HHAT: variants seen among roughly 807,000 people sequenced by gnomAD.
HHAT encodes the protein protein-cysteine N-palmitoyltransferase HHAT.
A neutral mutation model predicts 70.8 loss-of-function variants in HHAT; 47 were observed. The ratio of observed to expected loss-of-function variants is 0.66; its 90% confidence interval spans 0.53 to 0.85. HHAT has a LOEUF of 0.85. HHAT is among the 40% of genes least tolerant of loss of function. HHAT has a pLI of 0.00. For missense variants in HHAT, 609 were observed against 604.8 expected (o/e 1.01, Z -0.07); for synonymous variants, 228 against 247.6 (o/e 0.92, Z 0.74).
chr1:210,661,646 C>T (rs1435820306), intron 11 of HHAT, among the ~76,000 whole-genome samples: 1 of 152,180 alleles, frequency 6.6e-6, no homozygotes, highest in Non-Finnish European at 1.5e-5. Context: ...AACTTGGAAC[C>T]AACCCAAATG....
intron 7 of HHAT, among the ~76,000 whole-genome samples, chr1:210,423,075 A>G (rs992718352): frequency 4.6e-5 from 7 of 152,208 alleles, no homozygotes; most frequent in African/African-American, 1.4e-4. Context: ...TTTTCGTTGG[A>G]TAAATTCACA....
chr1:210,517,167 ATC>A (rs1400065401), intron 9 of HHAT, among the ~76,000 whole-genome samples: 4 of 152,176 alleles, frequency 2.6e-5, no homozygotes, highest in Admixed American at 6.5e-5. Flanking sequence ...CAGAATAAAA[ATC>A]TCTGTTTCAT....
intron 8 of HHAT, among the ~76,000 whole-genome samples, chr1:210,466,509 C>T (rs1421309208): frequency 6.6e-6 from 1 of 152,210 alleles, no homozygotes; most frequent in Non-Finnish European, 1.5e-5. Flanking sequence ...GGGAACATGT[C>T]ACAAGTGTCT....
At chr1:210,647,570 C>T (rs1387772256) in intron 11 of HHAT, among the ~76,000 whole-genome samples, 2 of 152,142 alleles carry the variant, frequency 1.3e-5, no homozygotes, top group Admixed American at 1.3e-4. Context: ...TTCCCACCGC[C>T]CCCAGCCCTG....
At chr1:210,497,583 C>T (rs2094673164) in intron 8 of HHAT, among the ~76,000 whole-genome samples, 1 of 152,122 alleles carries the variant, frequency 6.6e-6, no homozygotes, top group Non-Finnish European at 1.5e-5. Flanking sequence ...CACACTCCTA[C>T]TACTTGTCAG....
chr1:210,416,711 C>A (rs1432728395), intron 6 of HHAT, among the ~76,000 whole-genome samples: 1 of 152,156 alleles, frequency 6.6e-6, no homozygotes, highest in Non-Finnish European at 1.5e-5. Flanking sequence ...CCCTCTCTTG[C>A]CTTTGGTGTT....
intron 11 of HHAT, among the ~76,000 whole-genome samples, chr1:210,666,611 G>A (rs571506035): frequency 3.9e-4 from 59 of 152,258 alleles, no homozygotes; most frequent in African/African-American, 1.3e-3. Context: ...AGCCTCCTGA[G>A]TAGCTATGAT....
intron 9 of HHAT, among the ~76,000 whole-genome samples, chr1:210,544,425 T>C (rs1036634744): frequency 2.3e-4 from 31 of 136,772 alleles, no homozygotes; most frequent in Non-Finnish European, 1.5e-4. Context: ...CAAGCGGGAG[T>C]GCAAGGGCAT....
At chr1:210,480,128 C>T (rs1244392230) in intron 8 of HHAT, among the ~76,000 whole-genome samples, 1 of 152,150 alleles carries the variant, frequency 6.6e-6, no homozygotes, top group East Asian at 1.9e-4. Flanking sequence ...ACTAAACTGA[C>T]ACAATATGAA....
intron 9 of HHAT, among the ~76,000 whole-genome samples, chr1:210,520,225 C>T (rs1203235957): frequency 1.3e-5 from 2 of 152,060 alleles, no homozygotes; most frequent in Admixed American, 6.5e-5. Context: ...CTGTGTTGGC[C>T]AGGCTGGTCT....
intron 1 of HHAT, chr1:210,329,582 C>T (rs2147892086): frequency 1.6e-6 from 1 of 606,648 alleles, no homozygotes; most frequent in Non-Finnish European, 2.1e-6. Flanking sequence ...GAAAAACCCT[C>T]CCGCTAATCC....
chr1:210,667,164 C>G (rs890783257), intron 11 of HHAT, among the ~76,000 whole-genome samples: 1 of 151,926 alleles, frequency 6.6e-6, no homozygotes, highest in Non-Finnish European at 1.5e-5. Flanking sequence ...AGGTGGATCA[C>G]CTTGGGTCAG....
At chr1:210,462,093 A>C (rs980482094) in intron 7 of HHAT, among the ~76,000 whole-genome samples, 3 of 152,242 alleles carry the variant, frequency 2.0e-5, no homozygotes, top group Non-Finnish European at 4.4e-5. Flanking sequence ...ATTTTAATTT[A>C]TATGCCTTGA....
At chr1:210,479,875 T>C (rs1347937477) in intron 8 of HHAT, among the ~76,000 whole-genome samples, 1 of 152,196 alleles carries the variant, frequency 6.6e-6, no homozygotes, top group African/African-American at 2.4e-5. Context: ...GTCTAGAGAA[T>C]AGAGCATGAG....
rs1432735582 is a variant in HHAT, at chr1:210,412,312, C to T, written c.685-5842C>T. Among the ~76,000 whole-genome samples the T allele has an allele frequency of 2.0e-5, 3 of 152,198 alleles. No homozygotes were observed. The East Asian group carries it at 5.8e-4, about 29-fold the overall frequency. On this transcript the variant is annotated intron_variant, in intron 6 of 11. Coordinates refer to ENST00000261458, the MANE Select transcript of HHAT (RefSeq NM_018194.6). ...GGCCTCCTTACATGCAAAATACACT[C>T]ATTCCATCCTAATAGCCCCAATAGT...
intron 7 of HHAT, among the ~76,000 whole-genome samples, chr1:210,424,507 T>A (rs1462594525): frequency 2.5e-5 from 1 of 39,836 alleles, no homozygotes; most frequent in African/African-American, 8.6e-5. Flanking sequence ...GTGCCATGGG[T>A]TTTTTTTTTT....
At chr1:210,423,643 G>C (rs1194817255) in intron 7 of HHAT, among the ~76,000 whole-genome samples, 1 of 152,114 alleles carries the variant, frequency 6.6e-6, no homozygotes, top group Non-Finnish European at 1.5e-5. Context: ...CCAATGTCCT[G>C]ACGGATTCTC....
At chr1:210,343,297 C>G (rs929149085) in intron 1 of HHAT, among the ~76,000 whole-genome samples, 2 of 152,130 alleles carry the variant, frequency 1.3e-5, no homozygotes, top group African/African-American at 2.4e-5. Context: ...TGCCTTTGCT[C>G]CCTAGAAGCA....
At chr1:210,339,959 A>G (rs940074180) in intron 1 of HHAT, among the ~76,000 whole-genome samples, 1 of 152,152 alleles carries the variant, frequency 6.6e-6, no homozygotes, top group African/African-American at 2.4e-5. Flanking sequence ...CTATCTAGTC[A>G]TTCTTCTGTG....
Sources: gnomAD v4.1 joint callset for allele counts (sites outside exome capture counted in the v4.1 genomes callset) on GRCh38, gnomAD v4.1.1 for gene constraint, MANE v1.5 for transcripts, NCBI Gene and HGNC (gene_info 2026-07-23, HGNC 2026-07-21) for gene names.